The following PLEKHG3 variants were observed in gnomAD, a reference collection of about 807,000 sequenced individuals.
PLEKHG3 encodes pleckstrin homology domain-containing family G member 3.
In PLEKHG3, 62 loss-of-function variants were observed where a neutral mutation model predicts 94.9. That is an observed-to-expected ratio of 0.65 (90% CI 0.53 to 0.81). The LOEUF (loss-of-function observed/expected upper bound fraction) is 0.81, where lower values mean the gene tolerates loss of function less well. Ranked by LOEUF, PLEKHG3 falls within the 30% of genes least tolerant of loss-of-function variation. The probability of loss-of-function intolerance (pLI) is 0.00; values close to 1 mark genes in which losing one functional copy is unlikely to be tolerated. For synonymous variants in PLEKHG3, 614 were observed against 654.0 expected, an observed-to-expected ratio of 0.94 and a Z score of 0.93; for missense variants, 1,461 against 1,619.3, an observed-to-expected ratio of 0.90 and a Z score of 1.68.
In PLEKHG3 at chr14:64,742,123, C is replaced by G. The variant is rs756254755; in HGVS notation, c.2606C>G (p.Ser869Cys). The G allele has an allele frequency of 3.1e-6, 5 of 1,610,888 alleles. No homozygotes were observed. Among genetic ancestry groups the G allele is most frequent in the Non-Finnish European group, 4.2e-6 (5 of 1,179,922 alleles). Residue 869 changes from serine to cysteine, a missense_variant, in exon 16 of 17, where the codon TCC becomes TGC. Transcript: ENST00000247226. ...EESATASPES[S>C]SPTEGRSPAH... ...TCGGCCACTGCCTCCCCGGAAAGCTCCTCTCCCACTGAGGGGCGCAGCCCG... is the reference window on the plus strand; with the variant it reads ...TCGGCCACTGCCTCCCCGGAAAGCTGCTCTCCCACTGAGGGGCGCAGCCCG...
At position 64,718,099 on chromosome 14, in the gene PLEKHG3, C is replaced by A. The variant is rs1044524810; in HGVS notation, c.-39-9494C>A. 2.0e-5 allele frequency among the ~76,000 whole-genome samples: 3 copies of A among 152,226 alleles called. No homozygotes were observed. The highest frequency in any genetic ancestry group is 6.5e-5 in the Admixed American group (1 of 15,288). ...ATCTCTTCACCTGGCAAAGCTTACT[C>A]GTCATTTATGACTCAGCTAAGATGT... On this transcript the variant is annotated intron_variant, in intron 1 of 16. Transcript: ENST00000247226. This position sits in a 1 kb window ranked among gnomAD's most constrained non-coding sequence, Gnocchi z 5.0.
rs1260924884 is a variant in PLEKHG3, at chr14:64,723,279, A to G, written c.-39-4314A>G. 6.6e-6 allele frequency among the ~76,000 whole-genome samples: 1 copy of G among 152,108 alleles called. No homozygotes were observed. Among genetic ancestry groups the G allele is most frequent in the Non-Finnish European group, 1.5e-5 (1 of 68,010 alleles). ...CTGAGCTGCTGCTTAGGCCCATCAA[A>G]AAGAAAGCCTGGCTGGGTGTGGTGG... On this transcript the variant is annotated intron_variant, in intron 1 of 16. Transcript: ENST00000247226. This position sits in a 1 kb window ranked among gnomAD's most constrained non-coding sequence, Gnocchi z 4.5.
At position 64,730,829 on chromosome 14, in the gene PLEKHG3, G is replaced by A. The variant is rs755755938; in HGVS notation, c.597G>A (p.Arg199=). Residue 199 remains arginine (R), a synonymous_variant, in exon 6 of 17, where the codon CGG becomes CGA. Transcript: ENST00000247226. The surrounding 1 kb of genome is among the most constrained non-coding windows in gnomAD (Gnocchi z 5.4). ...TGGCCGCCCTGACGGAATGCATGCG[G>A]GACAAGCAGCAGGCCAAGTTCTTTC... ...NSVAALTECM[R]DKQQAKFFRD... is the part of the protein sequence containing the mutation. The A allele has an allele frequency of 2.9e-5, 47 of 1,613,382 alleles. No homozygotes were observed. The highest frequency in any genetic ancestry group is 3.6e-5 in the Non-Finnish European group (43 of 1,179,976).
rs754904079 is a variant in PLEKHG3 at position 64,731,341 on chromosome 14, T to A, written c.850-20T>A. ...GGCCCCAGTGGCCTGACTCTAGGGA[T>A]TGGGGCCCCTCTGCTGCAGGAGATT... On this transcript the variant is annotated intron_variant, in intron 7 of 16. Transcript: ENST00000247226. The surrounding 1 kb of genome is among the most constrained non-coding windows in gnomAD (Gnocchi z 6.1). The A allele has an allele frequency of 1.2e-6, 2 of 1,608,680 alleles. No individual in the cohort carries two copies. The highest frequency in any genetic ancestry group is 2.2e-5 in the South Asian group (2 of 90,952).
rs947200724 is a variant in PLEKHG3, at chr14:64,717,716, A to C, written c.-39-9877A>C. Among the ~76,000 whole-genome samples the C allele has an allele frequency of 2.6e-5, 4 of 152,062 alleles. No individual in the cohort carries two copies. Among genetic ancestry groups the C allele is most frequent in the Non-Finnish European group, 5.9e-5 (4 of 68,014 alleles). On this transcript the variant is annotated intron_variant, in intron 1 of 16. Coordinates refer to ENST00000247226, the MANE Select transcript of PLEKHG3 (RefSeq NM_001308147.2). The surrounding 1 kb of genome is among the most constrained non-coding windows in gnomAD (Gnocchi z 4.7). ...ATTCTTTCTAGCTAATGTTCCCTCG[A>C]TCTCTCGCTCCTCCTCGAAGCTGTC...
At position 64,722,771 on chromosome 14, in the gene PLEKHG3, T is replaced by A. The variant is rs1303887047; in HGVS notation, c.-39-4822T>A. Among the ~76,000 whole-genome samples, 1 of 152,184 alleles carries A rather than the reference T, an allele frequency of 6.6e-6. No individual in the cohort carries two copies. The highest frequency in any genetic ancestry group is 1.5e-5 in the Non-Finnish European group (1 of 68,036). On this transcript the variant is annotated intron_variant, in intron 1 of 16. Coordinates refer to ENST00000247226, the MANE Select transcript of PLEKHG3 (RefSeq NM_001308147.2). This position sits in a 1 kb window ranked among gnomAD's most constrained non-coding sequence, Gnocchi z 4.3. The stretch of plus-strand genomic sequence containing the variant: ...AGAGGGTTCACCCCCAAGTGTCCTC[T>A]TCCCCTCTCCTGCCTTGTCCTCAAC...
At position 64,725,174 on chromosome 14, in the gene PLEKHG3, A is replaced by G. The variant is rs533235555; in HGVS notation, c.-39-2419A>G. On this transcript the variant is annotated intron_variant, in intron 1 of 16. Transcript: ENST00000247226. This position sits in a 1 kb window ranked among gnomAD's most constrained non-coding sequence, Gnocchi z 5.0. ...CTCAAAAGGTCCCTTTTAGAGACAA[A>G]TCTCCCTAATGGTGTGTGTGTTGGG... Among the ~76,000 whole-genome samples the G allele has an allele frequency of 6.6e-6, 1 of 152,212 alleles. No homozygotes were observed. The highest frequency in any genetic ancestry group is 2.4e-5 in the African/African-American group (1 of 41,542).
Position 64,743,646 on chromosome 14 carries a change from G to T in PLEKHG3, c.3603G>T (p.Gln1201His), listed in dbSNP as rs377386057. 1.5e-5 allele frequency: 24 copies of T among 1,609,474 alleles called. 1 individual carries two copies. The Admixed American group carries it at 1.5e-4, about 10-fold the overall frequency. The change falls in exon 17 of 17, where the codon CAG becomes CAT. Residue 1201 changes from glutamine to histidine, a missense_variant. This residue lies in a region of PLEKHG3 where 1,201 missense variants were observed against 1,295.5 expected (regional missense o/e 0.93). Coordinates refer to ENST00000247226, the MANE Select transcript of PLEKHG3 (RefSeq NM_001308147.2). This position sits in a 1 kb window ranked among gnomAD's most constrained non-coding sequence, Gnocchi z 7.2. Reference sequence around the variant, plus strand: ...CCAGGGACCCGGCAGACCCGAGCCAGCAGGGCAGAGTGAGAAACCTTAGAG... The same window carrying T: ...CCAGGGACCCGGCAGACCCGAGCCATCAGGGCAGAGTGAGAAACCTTAGAG... The part of the protein sequence containing the change: ...EGSRDPADPS[Q>H]QGRVRNLREK...
rs746295408 is a variant in PLEKHG3, at chr14:64,750,124, C to G, written c.*6421C>G. The G allele has an allele frequency of 1.2e-6, 2 of 1,613,996 alleles. No homozygotes were observed. The highest frequency in any genetic ancestry group is 2.2e-5 in the East Asian group (1 of 44,892). On this transcript the variant is annotated 3_prime_UTR_variant, in exon 17 of 17. Transcript: ENST00000247226. ...CCTTGTAGAAGGTTAGCTCACTGTTCCTGAGCACACAGTACAGGTTGTTCC... is the reference window on the plus strand; with the variant it reads ...CCTTGTAGAAGGTTAGCTCACTGTTGCTGAGCACACAGTACAGGTTGTTCC...
chr14:64,709,899 C>T (rs763063838), intron 1 of PLEKHG3, among the ~76,000 whole-genome samples: 4 of 152,128 alleles, frequency 2.6e-5, no homozygotes, highest in South Asian at 2.1e-4. Context: ...TACTGTGTGA[C>T]GAGACCTTAG....
At position 64,725,282 on chromosome 14, in the gene PLEKHG3, TC is replaced by T. The variant is rs1236183679; in HGVS notation, c.-39-2309del. ...AAATCCATTTGGGAGTGGGGCCGTT[TC>T]CATTTAGCTTCCCCAGAGAAGCTGA... On this transcript the variant is annotated intron_variant, in intron 1 of 16. Coordinates refer to ENST00000247226, the MANE Select transcript of PLEKHG3 (RefSeq NM_001308147.2). The surrounding 1 kb of genome is among the most constrained non-coding windows in gnomAD (Gnocchi z 5.0). 6.6e-6 allele frequency among the ~76,000 whole-genome samples: 1 copy of T among 151,638 alleles called. No homozygotes were observed.
rs1308734163 is a variant in PLEKHG3, at chr14:64,723,332, G to A, written c.-39-4261G>A. 6.6e-6 allele frequency among the ~76,000 whole-genome samples: 1 copy of A among 152,110 alleles called. No homozygotes were observed. Among genetic ancestry groups the A allele is most frequent in the Non-Finnish European group, 1.5e-5 (1 of 68,022 alleles). On this transcript the variant is annotated intron_variant, in intron 1 of 16. Transcript: ENST00000247226. This position sits in a 1 kb window ranked among gnomAD's most constrained non-coding sequence, Gnocchi z 4.5. Reference sequence around the variant, plus strand: ...CACACCTGTTAATCCCAGCACTTTAGGAGGCTGAGGCAGGAGGATCGCTTG... The same window carrying A: ...CACACCTGTTAATCCCAGCACTTTAAGAGGCTGAGGCAGGAGGATCGCTTG...
At position 64,723,917 on chromosome 14, in the gene PLEKHG3, A is replaced by G. The variant is rs907158356; in HGVS notation, c.-39-3676A>G. On this transcript the variant is annotated intron_variant, in intron 1 of 16. Coordinates refer to ENST00000247226, the MANE Select transcript of PLEKHG3 (RefSeq NM_001308147.2). The surrounding 1 kb of genome is among the most constrained non-coding windows in gnomAD (Gnocchi z 4.5). ...ATACTTAAGAGAACTGGAGACCCGT[A>G]TGTGGTAGGATGGGGTAGGCGTGGG... The G allele has an allele frequency of 6.6e-6, 1 of 152,206 alleles. No individual in the cohort carries two copies. The highest frequency in any genetic ancestry group is 1.5e-5 in the Non-Finnish European group (1 of 68,058). 9.4% of individuals were successfully genotyped at this position (152,206 alleles called of 1,614,324 possible).
chr14:64,729,060 T>C lies in PLEKHG3; in HGVS notation c.416T>C (p.Phe139Ser). The stretch of plus-strand genomic sequence containing the variant: ...AAGCCAGAACAGGTCAGCGCCCTCT[T>C]TGGGAACATAGAAAATATCTACGCG... Reference protein sequence around the residue: ...LLKPEQVSALFGNIENIYALN... With the variant: ...LLKPEQVSALSGNIENIYALN... Residue 139 changes from phenylalanine to serine, a missense_variant, in exon 3 of 17, where the codon TTT becomes TCT. By Grantham distance (155) the Phe-to-Ser change is radical. Coordinates refer to ENST00000247226, the MANE Select transcript of PLEKHG3 (RefSeq NM_001308147.2). 6.6e-7 allele frequency: 1 copy of C among 1,524,832 alleles called. No homozygotes were observed. The highest frequency in any genetic ancestry group is 8.8e-7 in the Non-Finnish European group (1 of 1,136,996). The allele number at this position is 1,524,832 out of a possible 1,614,324, so 94.5% of individuals were successfully genotyped here.
chr14:64,732,024 C>A lies in PLEKHG3; in HGVS notation c.1126-71C>A. 1.7e-6 allele frequency: 2 copies of A among 1,160,020 alleles called. No homozygotes were observed. Among genetic ancestry groups the A allele is most frequent in the Non-Finnish European group, 2.6e-6 (2 of 768,280 alleles). The allele number at this position is 1,160,020 out of a possible 1,614,324, so 71.9% of individuals were successfully genotyped here. A position where few individuals can be genotyped will look rare whatever the true frequency, so the allele number is the denominator to read the frequency against. ...CCCACTTTTTCTCCCTGGGTGGAAG[C>A]ACTGTCCATGCTAGACAGCTTCAGG... On this transcript the variant is annotated intron_variant, in intron 9 of 16. Transcript: ENST00000247226. This position sits in a 1 kb window ranked among gnomAD's most constrained non-coding sequence, Gnocchi z 4.9.
Position 64,736,592 on chromosome 14 carries a change from C to T in PLEKHG3, c.1346-261C>T, listed in dbSNP as rs572822500. On this transcript the variant is annotated intron_variant, in intron 12 of 16. Transcript: ENST00000247226. ...CTGGGCCAGGTGCCCTAATGCATTGCATCATGGGTGGTACTGCTCCGGCAG... is the reference window on the plus strand; with the variant it reads ...CTGGGCCAGGTGCCCTAATGCATTGTATCATGGGTGGTACTGCTCCGGCAG... 8.5e-5 allele frequency among the ~76,000 whole-genome samples: 13 copies of T among 152,312 alleles called. No individual in the cohort carries two copies. The South Asian group carries it at 2.7e-3, about 32-fold the overall frequency.
Position 64,727,622 on chromosome 14 carries a change from C to G in PLEKHG3, c.-10C>G. The G allele has an allele frequency of 6.4e-7, 1 of 1,564,928 alleles. No individual in the cohort carries two copies. The highest frequency in any genetic ancestry group is 1.3e-5 in the African/African-American group (1 of 74,118). On this transcript the variant is annotated 5_prime_UTR_variant, in exon 2 of 17. Transcript: ENST00000247226. This position sits in a 1 kb window ranked among gnomAD's most constrained non-coding sequence, Gnocchi z 6.0. The stretch of plus-strand genomic sequence containing the variant: ...TCCCTGGGGTGCCCTCCCCAGGCAG[C>G]AATGCCAGGATGCCTGTGTCCACCT...
chr14:64,712,084 A>G (rs4453374), intron 1 of PLEKHG3, among the ~76,000 whole-genome samples: 3,528 of 152,278 alleles, frequency 0.023, 142 homozygotes, highest in African/African-American at 0.08. Context: ...TGAAAAGACT[A>G]TTCTTTCTCT....
intron 1 of PLEKHG3, among the ~76,000 whole-genome samples, chr14:64,708,087 TAGAG>T (rs1368956085): frequency 2.0e-5 from 3 of 152,164 alleles, no homozygotes; most frequent in Non-Finnish European, 4.4e-5. Flanking sequence ...AGTGGGGAAT[TAGAG>T]GGAGGGGAAA....
Sources: allele counts gnomAD v4.1 joint callset (sites outside exome capture counted in the v4.1 genomes callset), GRCh38; gene constraint gnomAD v4.1.1; regional missense constraint gnomAD v4.1.1; non-coding constraint Gnocchi (gnomAD v3.1); transcripts MANE v1.5; gene names NCBI Gene and HGNC (gene_info 2026-07-23, HGNC 2026-07-21).